The following ELOVL6 variants were observed in gnomAD, a reference collection of about 807,000 sequenced individuals.
ELOVL6 encodes the protein ELOVL fatty acid elongase 6.
Under a neutral mutation model 31.7 loss-of-function variants are expected in ELOVL6, and 8 were observed. The ratio of observed to expected loss-of-function variants is 0.25; its 90% confidence interval spans 0.15 to 0.45. The LOEUF (loss-of-function observed/expected upper bound fraction) is 0.45, where lower values mean the gene tolerates loss of function less well. ELOVL6 is among the 20% of genes least tolerant of loss of function. The probability of loss-of-function intolerance (pLI) is 1.00; values close to 1 mark genes in which losing one functional copy is unlikely to be tolerated. For synonymous variants in ELOVL6, 101 were observed against 117.7 expected (o/e 0.86, Z 0.92); for missense variants, 126 against 326.4 (o/e 0.39, Z 4.73).
intron 2 of ELOVL6, among the ~76,000 whole-genome samples, chr4:110,080,953 C>G (rs915421490): frequency 3.7e-4 from 57 of 152,170 alleles, no homozygotes; most frequent in Admixed American, 9.8e-4. Flanking sequence ...CAACAACAGA[C>G]TAACAGAGAG....
chr4:110,140,398 C>T lies in ELOVL6; in HGVS notation c.90-34770G>A, dbSNP rs1283372920. Among the ~76,000 whole-genome samples the T allele has an allele frequency of 2.0e-5, 3 of 151,996 alleles. 1 individual carries two copies. Among genetic ancestry groups the T allele is most frequent in the South Asian group, 4.1e-4 (2 of 4,820 alleles). On this transcript the variant is annotated intron_variant, in intron 1 of 3. Transcript: ENST00000302274. Reference sequence around the variant, plus strand: ...GGATGTTGACTCTCAGGCCCTAGTTCTTTTTAATTAAATTGTATTTTTGTT... The same window carrying T: ...GGATGTTGACTCTCAGGCCCTAGTTTTTTTTAATTAAATTGTATTTTTGTT...
At chr4:110,056,127 G>T (rs943596543) in intron 3 of ELOVL6, among the ~76,000 whole-genome samples, 4 of 142,708 alleles carry the variant, frequency 2.8e-5, no homozygotes, top group Admixed American at 6.8e-5. Context: ...GGAGCTGGGG[G>T]GGGGGATACA....
intron 2 of ELOVL6, among the ~76,000 whole-genome samples, chr4:110,080,639 T>G (rs1390459726): frequency 2.0e-5 from 3 of 152,206 alleles, no homozygotes; most frequent in Non-Finnish European, 4.4e-5. Flanking sequence ...AATATCATAC[T>G]GAATGGGCAA....
At chr4:110,084,140 A>ATATATAACATAACT (rs1756052146) in intron 2 of ELOVL6, among the ~76,000 whole-genome samples, 1 of 76,510 alleles carries the variant, frequency 1.3e-5, no homozygotes, top group Admixed American at 1.7e-4. Context: ...TGATAATGAT[A>ATATATAACATAACT]TATATGATAT....
rs1754696050 is a variant in ELOVL6, at chr4:110,046,265, T to C, written c.*5073A>G. The C allele has an allele frequency of 6.6e-6, 1 of 152,232 alleles. No individual in the cohort carries two copies. Among genetic ancestry groups the C allele is most frequent in the African/African-American group, 2.4e-5 (1 of 41,464 alleles). The allele number at this position is 152,232 out of a possible 1,614,324, so 9.4% of individuals were successfully genotyped here. A position where few individuals can be genotyped will look rare whatever the true frequency, so the allele number is the denominator to read the frequency against. On this transcript the variant is annotated 3_prime_UTR_variant, in exon 4 of 4. Transcript: ENST00000302274. The stretch of plus-strand genomic sequence containing the variant: ...CTTCATGGCCGGCCCGAATGGGTTA[T>C]AAATGTGGCTTGACCCTGACTTATG...
intron 1 of ELOVL6, among the ~76,000 whole-genome samples, chr4:110,138,485 A>T (rs2126260166): frequency 6.6e-6 from 1 of 152,318 alleles, no homozygotes; most frequent in African/African-American, 2.4e-5. Flanking sequence ...GTTTTGAAGG[A>T]AAATTAGAGC....
At chr4:110,136,906 G>A (rs1453744735) in intron 1 of ELOVL6, among the ~76,000 whole-genome samples, 2 of 152,132 alleles carry the variant, frequency 1.3e-5, no homozygotes, top group African/African-American at 2.4e-5. Flanking sequence ...GGAATATCTA[G>A]ATGTCTTCTG....
chr4:110,163,051 C>T (rs1026468202), intron 1 of ELOVL6, among the ~76,000 whole-genome samples: 9 of 152,200 alleles, frequency 5.9e-5, no homozygotes, highest in African/African-American at 2.2e-4. Flanking sequence ...AAAAATAGTA[C>T]AGAATCACAC....
intron 2 of ELOVL6, among the ~76,000 whole-genome samples, chr4:110,084,191 A>ATGTGATATAT (rs1454578180): frequency 1.1e-5 from 1 of 87,238 alleles, no homozygotes; most frequent in Non-Finnish European, 2.1e-5. Flanking sequence ...TATAACATAT[A>ATGTGATATAT]ACTTATATGA....
intron 1 of ELOVL6, among the ~76,000 whole-genome samples, chr4:110,166,132 T>G (rs1251571206): frequency 2.0e-5 from 3 of 152,158 alleles, no homozygotes; most frequent in African/African-American, 7.2e-5. Context: ...TGCTATCAAG[T>G]GAGATCCTAG....
intron 1 of ELOVL6, among the ~76,000 whole-genome samples, chr4:110,127,632 A>C (rs1757547093): frequency 6.6e-6 from 1 of 152,174 alleles, no homozygotes; most frequent in Non-Finnish European, 1.5e-5. Flanking sequence ...TAGTTTAATG[A>C]CAGAGATCAA....
intron 2 of ELOVL6, among the ~76,000 whole-genome samples, chr4:110,086,530 A>G (rs1756269263): frequency 6.6e-6 from 1 of 152,188 alleles, no homozygotes; most frequent in Admixed American, 6.5e-5. Context: ...AGTAGGAAAT[A>G]GAAATATTTT....
intron 2 of ELOVL6, among the ~76,000 whole-genome samples, chr4:110,062,471 C>G (rs1671595015): frequency 6.6e-6 from 1 of 152,174 alleles, no homozygotes; most frequent in Admixed American, 6.5e-5. Flanking sequence ...TTGTGGGGAG[C>G]CACTAGCTCT....
At chr4:110,158,633 G>GTA (rs1758530129) in intron 1 of ELOVL6, among the ~76,000 whole-genome samples, 1 of 64,436 alleles carries the variant, frequency 1.6e-5, no homozygotes, top group Non-Finnish European at 2.6e-5. Flanking sequence ...ATATATACAC[G>GTA]TGTATATATA....
chr4:110,131,523 A>G (rs1468886428), intron 1 of ELOVL6, among the ~76,000 whole-genome samples: 2 of 152,232 alleles, frequency 1.3e-5, no homozygotes, highest in Non-Finnish European at 1.5e-5. Flanking sequence ...TTGTTTATTC[A>G]AAAACATTTA....
chr4:110,147,780 GACACACACACACACAC>G (rs58644594), intron 1 of ELOVL6, among the ~76,000 whole-genome samples: 9,454 of 142,732 alleles, frequency 0.066, 646 homozygotes, highest in African/African-American at 0.16. Flanking sequence ...GACAGAGCAG[GACACACACACACACAC>G]ACACACACAC....
chr4:110,109,852 G>A (rs1756981552), intron 1 of ELOVL6, among the ~76,000 whole-genome samples: 1 of 152,178 alleles, frequency 6.6e-6, no homozygotes, highest in Non-Finnish European at 1.5e-5. Flanking sequence ...TTGGGAAGCT[G>A]GCCTGAGCTC....
intron 1 of ELOVL6, among the ~76,000 whole-genome samples, chr4:110,158,652 TATA>T (rs1345424568): frequency 5.5e-5 from 5 of 91,122 alleles, no homozygotes; most frequent in African/African-American, 2.4e-4. Context: ...TATATATATA[TATA>T]TATTTTTTTT....
intron 2 of ELOVL6, among the ~76,000 whole-genome samples, chr4:110,064,480 A>G (rs1755241799): frequency 6.6e-6 from 1 of 151,772 alleles, no homozygotes; most frequent in Admixed American, 6.6e-5. Flanking sequence ...TATTTTTTTT[A>G]AGTGATAAGA....
Sources: gnomAD v4.1 joint callset for allele counts (sites outside exome capture counted in the v4.1 genomes callset) on GRCh38, gnomAD v4.1.1 for gene constraint, MANE v1.5 for transcripts, NCBI Gene and HGNC (gene_info 2026-07-23, HGNC 2026-07-21) for gene names.